LUC7L: variants seen among roughly 807,000 people sequenced by gnomAD.
The protein encoded by LUC7L is LUC7 like, also known as putative RNA-binding protein Luc7-like 1.
LUC7L carries 29 observed loss-of-function variants against 51.1 expected under a neutral mutation model. The ratio of observed to expected loss-of-function variants is 0.57; its 90% CI spans 0.42 to 0.77. LUC7L has a LOEUF of 0.77. Among genes scored for constraint, LUC7L ranks in the 30% least tolerant of loss-of-function variants. LUC7L has a pLI of 0.00. For missense variants in LUC7L, 403 were observed against 511.9 expected, an observed-to-expected ratio of 0.79 and a Z score of 2.05; for synonymous variants, 181 against 180.7, an observed-to-expected ratio of 1.00 and a Z score of -0.01.
chr16:189,507 G>A (rs1012755384), intron 9 of LUC7L, 168 bp from the exon 10 acceptor site: 2 of 1,404,114 alleles, frequency 1.4e-6, no homozygotes, highest in African/African-American at 2.9e-5. Context: ...TGGAGTGTTA[G>A]ATAGCCATTA....
intron 6 of LUC7L, among the ~76,000 whole-genome samples, chr16:193,560 G>A (rs528722358): frequency 2.0e-5 from 3 of 151,438 alleles, no homozygotes; most frequent in East Asian, 1.9e-4. Context: ...GCAGTGGCGC[G>A]ATCTTTGCTC....
intron 3 of LUC7L, among the ~76,000 whole-genome samples, chr16:213,535 G>GT (rs769866363): frequency 2.0e-5 from 3 of 152,000 alleles, no homozygotes; most frequent in Non-Finnish European, 4.4e-5. Context: ...AAGTACCTGG[G>GT]ATTGCAGGTG....
rs148122312 is a variant in LUC7L, at chr16:229,399, G to A, written c.-60C>T. 1.4e-3 allele frequency: 1,903 copies of A among 1,400,634 alleles called. 31 individuals are homozygous for A. The East Asian group carries it at 0.018, about 13-fold the overall frequency. The allele number at this position is 1,400,634 out of a possible 1,614,324, so 86.8% of individuals were successfully genotyped here. A position where few individuals can be genotyped will look rare whatever the true frequency, so the allele number is the denominator to read the frequency against. On this transcript the variant is annotated 5_prime_UTR_variant, in exon 1 of 10. Coordinates refer to ENST00000293872, the MANE Select transcript of LUC7L (RefSeq NM_201412.3). ...GACTTCTCTCAGGCAGGCGGTGGCA[G>A]CGGCGTCGACAAACGATGGTCGCGT...
intron 6 of LUC7L, among the ~76,000 whole-genome samples, chr16:194,040 C>T (rs1157171686): frequency 4.0e-5 from 6 of 150,472 alleles, no homozygotes; most frequent in Non-Finnish European, 7.4e-5. Context: ...CCTGACCTCA[C>T]GATCCGCCCG....
intron 3 of LUC7L, among the ~76,000 whole-genome samples, chr16:213,315 G>A (rs2049697395): frequency 1.3e-5 from 2 of 152,158 alleles, no homozygotes; most frequent in South Asian, 4.1e-4. Context: ...AGTACTGGGA[G>A]GATCCTGGGT....
chr16:210,748 G>A (rs2049613818), intron 3 of LUC7L, among the ~76,000 whole-genome samples: 1 of 152,164 alleles, frequency 6.6e-6, no homozygotes, highest in Non-Finnish European at 1.5e-5. Flanking sequence ...TCAGATGTCT[G>A]ATAACCTAAA....
chr16:205,840 C>T (rs555887830), intron 5 of LUC7L, among the ~76,000 whole-genome samples, 164 bp downstream of exon 5: 1 of 152,298 alleles, frequency 6.6e-6, no homozygotes, highest in Non-Finnish European at 1.5e-5. Flanking sequence ...CCGCCCGCCT[C>T]GGCCTTCCAA....
intron 5 of LUC7L, among the ~76,000 whole-genome samples, chr16:202,954 C>A (rs1296969429): frequency 6.6e-6 from 1 of 152,096 alleles, no homozygotes; most frequent in Non-Finnish European, 1.5e-5. Context: ...TTGAGACCAG[C>A]CTGACCGACA....
chr16:221,134 C>T (rs1456553520), intron 2 of LUC7L, among the ~76,000 whole-genome samples: 2 of 151,672 alleles, frequency 1.3e-5, no homozygotes, highest in Non-Finnish European at 2.9e-5. Context: ...ATTCTCCTGC[C>T]TCATTCTCCC....
intron 3 of LUC7L, among the ~76,000 whole-genome samples, chr16:214,512 A>G (rs574567650): frequency 3.3e-5 from 5 of 152,312 alleles, no homozygotes; most frequent in African/African-American, 7.2e-5. Context: ...CAATTTTGTC[A>G]TAAGTATCAT....
At chr16:227,651 TG>T in intron 1 of LUC7L, 1 of 1,124,730 alleles carries the variant, frequency 8.9e-7, no homozygotes. Flanking sequence ...GCAATGAGAC[TG>T]CAAAACCCAA....
chr16:188,994 G>A lies in LUC7L; in HGVS notation c.*204C>T. 1.9e-6 allele frequency: 1 copy of A among 529,648 alleles called. No homozygotes were observed. The allele number at this position is 529,648 out of a possible 1,614,324, so 32.8% of individuals were successfully genotyped here. On this transcript the variant is annotated 3_prime_UTR_variant, in exon 10 of 10. Transcript: ENST00000293872. ...CAGCAGAAACCCCCCGCAGCCTCAG[G>A]AGGCAGCATCAGATTTATTTATTCC...
At chr16:192,883 C>T in intron 7 of LUC7L, 44 bp downstream of exon 7, 1 of 1,512,218 alleles carries the variant, frequency 6.6e-7, no homozygotes, top group Non-Finnish European at 9.2e-7. Flanking sequence ...GCAGGGAATG[C>T]CCGAGGCCAA....
At chr16:215,818 C>T (rs529224750) in intron 3 of LUC7L, among the ~76,000 whole-genome samples, 10 of 151,922 alleles carry the variant, frequency 6.6e-5, no homozygotes, top group Admixed American at 3.3e-4. Flanking sequence ...AAAAAAACAT[C>T]GACAGTGTCT....
At chr16:211,354 A>T (rs1375639721) in intron 3 of LUC7L, among the ~76,000 whole-genome samples, 1 of 151,844 alleles carries the variant, frequency 6.6e-6, no homozygotes, top group Non-Finnish European at 1.5e-5. Flanking sequence ...GCTACAAGGG[A>T]GGCTGAGGCA....
chr16:217,461 C>T (rs2049835838), intron 3 of LUC7L, among the ~76,000 whole-genome samples: 2 of 152,086 alleles, frequency 1.3e-5, no homozygotes, highest in Non-Finnish European at 2.9e-5. Flanking sequence ...AATCTCAACA[C>T]TCTGGGAGGC....
At chr16:228,321 G>A (rs1179555345) in intron 1 of LUC7L, 2 of 1,304,134 alleles carry the variant, frequency 1.5e-6, no homozygotes, top group South Asian at 2.5e-5. Flanking sequence ...TTAGAAATTG[G>A]TTGTGACTCA....
At chr16:200,483 C>A (rs1223605809) in intron 5 of LUC7L, among the ~76,000 whole-genome samples, 1 of 150,674 alleles carries the variant, frequency 6.6e-6, no homozygotes, top group Non-Finnish European at 1.5e-5. Flanking sequence ...GAGGCTGAGG[C>A]ACAAATTGTT....
chr16:214,403 TAGTTTGA>T (rs2049729580), intron 3 of LUC7L, among the ~76,000 whole-genome samples: 1 of 152,174 alleles, frequency 6.6e-6, no homozygotes, highest in Non-Finnish European at 1.5e-5. Flanking sequence ...TCACAAACAT[TAGTTTGA>T]AGGGCAGAGT....
Sources: allele counts gnomAD v4.1 joint callset (sites outside exome capture counted in the v4.1 genomes callset), GRCh38; gene constraint gnomAD v4.1.1; transcripts MANE v1.5; gene names NCBI Gene and HGNC (gene_info 2026-07-23, HGNC 2026-07-21).